PCDHGA4: variants seen among roughly 807,000 people sequenced by gnomAD.
PCDHGA4 encodes the protein protocadherin gamma-A4.
PCDHGA4 carries 38 observed loss-of-function variants against 54.6 expected under a neutral mutation model. That is an observed-to-expected ratio of 0.70 (90% CI 0.54 to 0.91). The LOEUF (loss-of-function observed/expected upper bound fraction) is 0.91. Ranked by LOEUF, PCDHGA4 falls within the 40% of genes least tolerant of loss-of-function variation. The pLI is 0.00. For synonymous variants in PCDHGA4, 511 were observed against 512.9 expected (o/e 1.00, Z 0.05); for missense variants, 1,298 against 1,220.9 (o/e 1.06, Z -0.94).
rs751278055 is a variant in PCDHGA4, at chr5:141,375,013, G to A, written c.2514+17392G>A. ...CAACTTCTGCAAATCTAGACTATGAGGACTCGAGTTTTTATGAGCTGGGTG... is the reference window on the plus strand; with the variant it reads ...CAACTTCTGCAAATCTAGACTATGAAGACTCGAGTTTTTATGAGCTGGGTG... On this transcript the variant is annotated intron_variant, in intron 1 of 3. Transcript: ENST00000571252. 6.8e-6 allele frequency: 11 copies of A among 1,613,886 alleles called. No homozygotes were observed. In the African/African-American group the frequency reaches 1.3e-4, roughly 20 times the overall value.
In PCDHGA4 at chr5:141,372,102, G is replaced by A. The variant is rs200898659; in HGVS notation, c.2514+14481G>A. The stretch of plus-strand genomic sequence containing the variant: ...GGTGCTGTACCCAGCTCTGGGGCCC[G>A]AAGGCTCTGCGCTCTTCGATATGGT... On this transcript the variant is annotated intron_variant, in intron 1 of 3. Coordinates refer to ENST00000571252, the MANE Select transcript of PCDHGA4 (RefSeq NM_018917.4). 5.0e-5 allele frequency: 81 copies of A among 1,613,784 alleles called. No homozygotes were observed. The African/African-American group carries it at 1.0e-3, about 20-fold the overall frequency.
chr5:141,374,907 G>T (rs778308894), intron 1 of PCDHGA4: 1 of 1,613,828 alleles, frequency 6.2e-7, no homozygotes, highest in Non-Finnish European at 8.5e-7. Flanking sequence ...GGAGTCCACG[G>T]GGAAGTAACT....
chr5:141,479,003 C>T (rs2099485569), intron 1 of PCDHGA4, among the ~76,000 whole-genome samples: 1 of 152,176 alleles, frequency 6.6e-6, no homozygotes, highest in South Asian at 2.1e-4. Context: ...AAACTAATAG[C>T]TTTTTGATAA....
At chr5:141,385,413 G>T in intron 1 of PCDHGA4, 1 of 1,472,024 alleles carries the variant, frequency 6.8e-7, no homozygotes, top group South Asian at 1.5e-5. Context: ...TGAAAATAGG[G>T]ATTTAAAAAA....
Position 141,477,029 on chromosome 5 carries a change from A to T in PCDHGA4, c.2515-17778A>T, listed in dbSNP as rs754045855. ...CTTAGACCTTGTAACCGGGATGCTG[A>T]CAATCAAGGGTCGGCTGGACTTCGA... On this transcript the variant is annotated intron_variant, in intron 1 of 3. Transcript: ENST00000571252. This position sits in a 1 kb window ranked among gnomAD's most constrained non-coding sequence, Gnocchi z 4.9. 2 of 1,614,238 alleles carry T rather than the reference A, an allele frequency of 1.2e-6. No homozygotes were observed. The highest frequency in any genetic ancestry group is 3.3e-5 in the Admixed American group (2 of 60,028).
intron 1 of PCDHGA4, chr5:141,398,585 T>C (rs200356405): frequency 1.9e-6 from 3 of 1,614,080 alleles, no homozygotes; most frequent in Non-Finnish European, 2.5e-6. Flanking sequence ...ACAAGATTTA[T>C]ACTAGAAGTA....
intron 1 of PCDHGA4, chr5:141,410,195 G>T (rs769655902): frequency 1.2e-6 from 2 of 1,613,966 alleles, no homozygotes; most frequent in East Asian, 4.5e-5. Context: ...TCTGGTCTTC[G>T]CAGACAACTT....
At chr5:141,495,102 C>A (rs1344771035) in intron 2 of PCDHGA4, among the ~76,000 whole-genome samples, 3 of 152,160 alleles carry the variant, frequency 2.0e-5, no homozygotes, top group Non-Finnish European at 4.4e-5. Flanking sequence ...CTCGCCACGA[C>A]CGGCACCTTT....
chr5:141,385,105 C>T lies in PCDHGA4; in HGVS notation c.2514+27484C>T. ...TTCAGAAGGTGGCTTGGCGAACGTG[C>T]CCACCTCGCACTTTGTGGGCATGGA... On this transcript the variant is annotated intron_variant, in intron 1 of 3. Transcript: ENST00000571252. 3 of 1,614,176 alleles carry T rather than the reference C, an allele frequency of 1.9e-6. No homozygotes were observed. Among genetic ancestry groups the T allele is most frequent in the Non-Finnish European group, 2.5e-6 (3 of 1,180,044 alleles).
At chr5:141,360,227 T>C in intron 1 of PCDHGA4, 1 of 1,613,788 alleles carries the variant, frequency 6.2e-7, no homozygotes, top group Non-Finnish European at 8.5e-7. Context: ...GCTCTCCCAG[T>C]CCAGATCCGC....
At chr5:141,404,100 T>G in intron 1 of PCDHGA4, 1 of 1,613,618 alleles carries the variant, frequency 6.2e-7, no homozygotes, top group African/African-American at 1.3e-5. Context: ...GGTCAAGTTG[T>G]CTGTTCTATC....
At chr5:141,409,868 A>G in intron 1 of PCDHGA4, 2 of 1,612,688 alleles carry the variant, frequency 1.2e-6, no homozygotes, top group South Asian at 1.1e-5. Context: ...GGGAGACCGC[A>G]ATGACAACGC....
intron 1 of PCDHGA4, chr5:141,383,994 C>T: frequency 6.2e-7 from 1 of 1,613,758 alleles, no homozygotes. Flanking sequence ...TTGGGACAGT[C>T]ATTGCTCTTT....
chr5:141,371,742 C>T (rs773429109), intron 1 of PCDHGA4: 16 of 1,613,950 alleles, frequency 9.9e-6, no homozygotes, highest in Middle Eastern at 1.6e-4. Flanking sequence ...CGACAACGTT[C>T]CCGTTTTCCA....
intron 1 of PCDHGA4, chr5:141,394,779 G>A (rs1561651112): frequency 6.2e-7 from 1 of 1,613,590 alleles, no homozygotes; most frequent in Admixed American, 1.7e-5. Context: ...CCCTCTCTCC[G>A]CCACTGTCAC....
chr5:141,360,963 G>A (rs914860151), intron 1 of PCDHGA4: 8 of 1,613,778 alleles, frequency 5.0e-6, no homozygotes, highest in Non-Finnish European at 6.8e-6. Context: ...TAAACGCAGA[G>A]ATCACCTACT....
intron 1 of PCDHGA4, chr5:141,388,330 G>A: frequency 6.2e-7 from 1 of 1,613,882 alleles, no homozygotes; most frequent in Non-Finnish European, 8.5e-7. Context: ...GCACAGCCTG[G>A]CACACGATTT....
chr5:141,420,789 C>G (rs1403213574), intron 1 of PCDHGA4, among the ~76,000 whole-genome samples: 2 of 152,198 alleles, frequency 1.3e-5, no homozygotes, highest in Non-Finnish European at 2.9e-5. Flanking sequence ...ATTTTGAAAA[C>G]TTTTTAAAAA....
chr5:141,375,015 A>C, intron 1 of PCDHGA4: 2 of 1,613,916 alleles, frequency 1.2e-6, no homozygotes. Context: ...GACTATGAGG[A>C]CTCGAGTTTT....
Sources: allele counts gnomAD v4.1 joint callset (sites outside exome capture counted in the v4.1 genomes callset), GRCh38; gene constraint gnomAD v4.1.1; non-coding constraint Gnocchi (gnomAD v3.1); transcripts MANE v1.5; gene names NCBI Gene and HGNC (gene_info 2026-07-23, HGNC 2026-07-21).